The following MACO1 variants were observed in gnomAD, a reference collection of about 807,000 sequenced individuals.
MACO1 encodes macoilin.
A neutral mutation model predicts 78.7 loss-of-function variants in MACO1; 14 were observed. That is an observed-to-expected ratio of 0.18 (90% CI 0.12 to 0.28). MACO1 has a LOEUF of 0.28. MACO1 is among the 10% of genes least tolerant of loss of function. The pLI is 1.00. For synonymous variants in MACO1, 288 were observed against 291.6 expected (o/e 0.99, Z 0.12); for missense variants, 501 against 799.0 (o/e 0.63, Z 4.50).
intron 6 of MACO1, among the ~76,000 whole-genome samples, chr1:25,461,390 G>T (rs916613727): frequency 1.3e-5 from 2 of 152,108 alleles, no homozygotes; most frequent in African/African-American, 4.8e-5. Flanking sequence ...AGAATACTAT[G>T]CAAAGAATAT....
At chr1:25,462,852 C>T (rs549460713) in intron 6 of MACO1, among the ~76,000 whole-genome samples, 3 of 66,676 alleles carry the variant, frequency 4.5e-5, no homozygotes, top group African/African-American at 1.1e-4. Context: ...CTTTAGTATG[C>T]TGTATACCAT....
At chr1:25,491,359 C>G (rs749339618) in intron 9 of MACO1, 51 bp from the exon 10 acceptor site, 1 of 1,605,744 alleles carries the variant, frequency 6.2e-7, no homozygotes. Context: ...AATTTATAGA[C>G]ATCGATGCCA....
intron 6 of MACO1, among the ~76,000 whole-genome samples, chr1:25,460,923 A>G (rs1571967865): frequency 6.6e-6 from 1 of 152,136 alleles, no homozygotes; most frequent in Non-Finnish European, 1.5e-5. Flanking sequence ...GTAGGTTTAT[A>G]AGCTCCCATG....
chr1:25,462,968 A>G (rs76568869), intron 6 of MACO1, among the ~76,000 whole-genome samples: 6,790 of 152,268 alleles, frequency 0.045, 473 homozygotes, highest in African/African-American at 0.15. Flanking sequence ...CATCATATCA[A>G]TGGCTGCTTT....
At chr1:25,491,273 A>G (rs1420344211) in intron 9 of MACO1, 137 bp from the exon 10 acceptor site, 3 of 1,164,768 alleles carry the variant, frequency 2.6e-6, no homozygotes, top group Non-Finnish European at 3.6e-6. Context: ...GCACTTGCCT[A>G]AACCCATGAA....
intron 6 of MACO1, among the ~76,000 whole-genome samples, chr1:25,476,624 A>T (rs2043323603): frequency 6.6e-6 from 1 of 152,228 alleles, no homozygotes; most frequent in Middle Eastern, 3.2e-3. Flanking sequence ...ATTTCTTCTG[A>T]GGACAGAGCT....
chr1:25,488,532 C>T (rs754890717), intron 8 of MACO1, among the ~76,000 whole-genome samples: 2 of 151,496 alleles, frequency 1.3e-5, no homozygotes, highest in Non-Finnish European at 2.9e-5. Flanking sequence ...CTCACTTTGT[C>T]ACCCAGGCTA....
chr1:25,468,173 GTACT>G (rs2043235976), intron 6 of MACO1, among the ~76,000 whole-genome samples: 1 of 151,994 alleles, frequency 6.6e-6, no homozygotes, highest in Admixed American at 6.6e-5. Context: ...ACACATGAGT[GTACT>G]TACTTATCTC....
At chr1:25,477,631 C>T (rs2043333857) in intron 6 of MACO1, among the ~76,000 whole-genome samples, 1 of 152,054 alleles carries the variant, frequency 6.6e-6, no homozygotes, top group South Asian at 2.1e-4. Context: ...TCATAGTCAC[C>T]CCTAGGTGAA....
At chr1:25,476,962 G>A (rs2043326164) in intron 6 of MACO1, among the ~76,000 whole-genome samples, 1 of 152,206 alleles carries the variant, frequency 6.6e-6, no homozygotes, top group Non-Finnish European at 1.5e-5. Flanking sequence ...TTAGTGACAT[G>A]ATCTATAAGG....
intron 8 of MACO1, among the ~76,000 whole-genome samples, chr1:25,486,420 A>T (rs1329568048): frequency 1.3e-5 from 2 of 152,186 alleles, no homozygotes; most frequent in East Asian, 1.9e-4. Context: ...TTAGATAGTT[A>T]AGAGCTTTTT....
At chr1:25,432,737 A>AGTT (rs1339966115) in intron 1 of MACO1, among the ~76,000 whole-genome samples, 1 of 152,248 alleles carries the variant, frequency 6.6e-6, no homozygotes, top group Non-Finnish European at 1.5e-5. Context: ...TATTAAACCG[A>AGTT]GTTGGTAGAC....
At chr1:25,496,082 A>G (rs1193510712) in intron 10 of MACO1, among the ~76,000 whole-genome samples, 1 of 152,178 alleles carries the variant, frequency 6.6e-6, no homozygotes, top group Admixed American at 6.5e-5. Context: ...ACCCATGAGC[A>G]ATCTCAAAAT....
intron 6 of MACO1, among the ~76,000 whole-genome samples, chr1:25,480,929 A>AATATATATATAT (rs202050214): frequency 2.9e-4 from 14 of 47,880 alleles, no homozygotes; most frequent in East Asian, 1.1e-3. Context: ...AAAAAAAAAA[A>AATATATATATAT]ATATATATAT....
chr1:25,457,374 A>T (rs1440886304), intron 5 of MACO1, among the ~76,000 whole-genome samples: 1 of 152,038 alleles, frequency 6.6e-6, no homozygotes, highest in Non-Finnish European at 1.5e-5. Context: ...CACCTTCTGA[A>T]GTGTAGGGAT....
chr1:25,439,718 C>G (rs1315895533), intron 1 of MACO1, among the ~76,000 whole-genome samples: 1 of 147,974 alleles, frequency 6.8e-6, no homozygotes, highest in Non-Finnish European at 1.5e-5. Flanking sequence ...GATCTCTTTA[C>G]ACTCTTAAAA....
chr1:25,445,486 T>C (rs1329255228), intron 1 of MACO1, among the ~76,000 whole-genome samples: 1 of 152,166 alleles, frequency 6.6e-6, no homozygotes, highest in Non-Finnish European at 1.5e-5. Context: ...TTTCTGTTCT[T>C]GACATCTCTT....
At chr1:25,431,967 G>A (rs941308507) in intron 1 of MACO1, among the ~76,000 whole-genome samples, 8 of 149,444 alleles carry the variant, frequency 5.4e-5, no homozygotes, top group Non-Finnish European at 1.2e-4. Flanking sequence ...AATAGAAATT[G>A]AATTCAGTCC....
intron 10 of MACO1, among the ~76,000 whole-genome samples, chr1:25,493,764 GCT>G (rs2043509963): frequency 9.7e-6 from 1 of 103,488 alleles, no homozygotes; most frequent in South Asian, 3.1e-4. Context: ...ATGGAGTCTT[GCT>G]CTGTCACCCA....
Sources: gnomAD v4.1 joint callset for allele counts (sites outside exome capture counted in the v4.1 genomes callset) on GRCh38, gnomAD v4.1.1 for gene constraint, MANE v1.5 for transcripts, NCBI Gene and HGNC (gene_info 2026-07-23, HGNC 2026-07-21) for gene names.